The following CYSLTR2 variants were observed in gnomAD, a reference collection of about 807,000 sequenced individuals.
The protein encoded by CYSLTR2 is G-protein coupled receptor GPCR21.
For missense variants in CYSLTR2, 398 were observed against 411.9 expected, an observed-to-expected ratio of 0.97 and a Z score of 0.29; for synonymous variants, 179 against 160.8, an observed-to-expected ratio of 1.11 and a Z score of -0.86.
Position 48,707,566 on chromosome 13 carries a change from T to A in CYSLTR2, c.749T>A (p.Ile250Asn). 6.2e-7 allele frequency: 1 copy of A among 1,608,680 alleles called. No individual in the cohort carries two copies. Among genetic ancestry groups the A allele is most frequent in the Non-Finnish European group, 8.5e-7 (1 of 1,179,992 alleles). The change falls in exon 5 of 5, where the codon ATC (isoleucine) becomes AAC (asparagine). Residue 250 changes from isoleucine to asparagine, a missense_variant. Transcript: ENST00000682523. ...CACAGGAAGGCACTGACCACCATCA[T>A]CATCACCTTGATCATCTTCTTCTTG... Reference protein sequence around the residue: ...VSHRKALTTIIITLIIFFLCF... With the variant: ...VSHRKALTTINITLIIFFLCF...
intron 1 of CYSLTR2, among the ~76,000 whole-genome samples, chr13:48,668,896 G>A (rs976728762): frequency 5.9e-5 from 9 of 152,150 alleles, no homozygotes; most frequent in African/African-American, 2.2e-4. Flanking sequence ...TGCTGAGAAT[G>A]ATAGTTTCCA....
chr13:48,692,226 G>C (rs1034533272), intron 2 of CYSLTR2, among the ~76,000 whole-genome samples: 1 of 151,920 alleles, frequency 6.6e-6, no homozygotes, highest in Admixed American at 6.6e-5. Context: ...ATAGTCACTA[G>C]AAACAACATT....
intron 2 of CYSLTR2, among the ~76,000 whole-genome samples, 190 bp downstream of exon 2, chr13:48,691,491 G>C (rs995342858): frequency 6.6e-6 from 1 of 152,066 alleles, no homozygotes; most frequent in Non-Finnish European, 1.5e-5. Flanking sequence ...GTTTAGTGTA[G>C]ACCCCAGAAC....
At chr13:48,666,396 A>G (rs1953262691) in intron 1 of CYSLTR2, among the ~76,000 whole-genome samples, 1 of 152,014 alleles carries the variant, frequency 6.6e-6, no homozygotes, top group Non-Finnish European at 1.5e-5. Context: ...TTTGCATTGA[A>G]TCTATTTGGA....
intron 4 of CYSLTR2, among the ~76,000 whole-genome samples, chr13:48,698,099 A>G (rs1384413016): frequency 1.3e-5 from 2 of 152,220 alleles, no homozygotes; most frequent in Non-Finnish European, 2.9e-5. Flanking sequence ...AACACTCTTC[A>G]GGATATTATC....
chr13:48,708,075 C>G lies in CYSLTR2; in HGVS notation c.*217C>G, dbSNP rs200758759. The G allele has an allele frequency of 4.8e-6, 2 of 419,090 alleles. No individual in the cohort carries two copies. The highest frequency in any genetic ancestry group is 4.4e-6 in the Non-Finnish European group (1 of 229,570). The allele number at this position is 419,090 out of a possible 1,614,324, so 26.0% of individuals were successfully genotyped here. ...AGGGATACAGGAGGAAAAATCCCTA[C>G]TAGAGTCCTGTGGGCTGAAATATCA... On this transcript the variant is annotated 3_prime_UTR_variant, in exon 5 of 5. Coordinates refer to ENST00000682523, the MANE Select transcript of CYSLTR2 (RefSeq NM_001308476.3).
intron 1 of CYSLTR2, among the ~76,000 whole-genome samples, chr13:48,654,872 C>T (rs755790627): frequency 1.3e-5 from 2 of 152,132 alleles, no homozygotes; most frequent in African/African-American, 2.4e-5. Context: ...AATGGGTGGT[C>T]AGCATAAAAA....
chr13:48,655,948 T>A (rs1285311667), intron 1 of CYSLTR2, among the ~76,000 whole-genome samples: 1 of 152,206 alleles, frequency 6.6e-6, no homozygotes, highest in Admixed American at 6.5e-5. Flanking sequence ...AGTTAAATGA[T>A]GACATTGATG....
chr13:48,701,691 C>T (rs537375690), intron 4 of CYSLTR2, among the ~76,000 whole-genome samples: 1 of 152,182 alleles, frequency 6.6e-6, no homozygotes, highest in African/African-American at 2.4e-5. Context: ...CAGAGGAATG[C>T]AAATCAAAAC....
At chr13:48,705,333 A>G (rs891342280) in intron 4 of CYSLTR2, among the ~76,000 whole-genome samples, 3 of 152,186 alleles carry the variant, frequency 2.0e-5, no homozygotes, top group Admixed American at 6.5e-5. Context: ...TATAGGCGGT[A>G]CATAATTCGG....
Position 48,655,691 on chromosome 13 carries a change from A to G in CYSLTR2, c.-266+1674A>G, listed in dbSNP as rs530772583. On this transcript the variant is annotated intron_variant, in intron 1 of 4. Coordinates refer to ENST00000682523, the MANE Select transcript of CYSLTR2 (RefSeq NM_001308476.3). ...CATAGTACTTTACTATTTACAAAACATGTTTACAGGCATCAGTTCATTTGA... is the reference window on the plus strand; with the variant it reads ...CATAGTACTTTACTATTTACAAAACGTGTTTACAGGCATCAGTTCATTTGA... Among the ~76,000 whole-genome samples the G allele has an allele frequency of 6.6e-5, 10 of 152,364 alleles. No homozygotes were observed. The South Asian group carries it at 2.1e-3, about 32-fold the overall frequency.
intron 1 of CYSLTR2, among the ~76,000 whole-genome samples, chr13:48,670,594 G>A (rs535233103): frequency 6.6e-6 from 1 of 152,260 alleles, no homozygotes; most frequent in South Asian, 2.1e-4. Flanking sequence ...GAGCAGATGT[G>A]TGGTGTTATT....
chr13:48,656,057 G>A lies in CYSLTR2; in HGVS notation c.-266+2040G>A, dbSNP rs191608763. 3.3e-3 allele frequency among the ~76,000 whole-genome samples: 493 copies of A among 150,858 alleles called. 1 individual carries two copies. Among genetic ancestry groups the A allele is most frequent in the Non-Finnish European group, 5.2e-3 (354 of 67,974 alleles). On this transcript the variant is annotated intron_variant, in intron 1 of 4. Coordinates refer to ENST00000682523, the MANE Select transcript of CYSLTR2 (RefSeq NM_001308476.3). Reference sequence around the variant, plus strand: ...TGCTCATTTTTGTTCAAAAATATTTGTATATATTTCAAGAAAGATAAAAAA... The same window carrying A: ...TGCTCATTTTTGTTCAAAAATATTTATATATATTTCAAGAAAGATAAAAAA...
intron 1 of CYSLTR2, among the ~76,000 whole-genome samples, chr13:48,654,675 A>G (rs1181740600): frequency 2.0e-5 from 3 of 152,182 alleles, no homozygotes; most frequent in Non-Finnish European, 4.4e-5. Flanking sequence ...TGAGCATATA[A>G]TCTGTTCCTT....
intron 4 of CYSLTR2, among the ~76,000 whole-genome samples, chr13:48,701,080 G>T (rs2138984367): frequency 6.6e-6 from 1 of 152,268 alleles, no homozygotes; most frequent in East Asian, 1.9e-4. Flanking sequence ...ATAGATCAAT[G>T]CCATCCCCAT....
chr13:48,689,543 G>T (rs1011508273), intron 1 of CYSLTR2, among the ~76,000 whole-genome samples: 1 of 152,086 alleles, frequency 6.6e-6, no homozygotes, highest in African/African-American at 2.4e-5. Context: ...TTGTCAAGTT[G>T]TCAAAGATCA....
At chr13:48,679,859 C>A (rs761642087) in intron 1 of CYSLTR2, among the ~76,000 whole-genome samples, 1 of 152,028 alleles carries the variant, frequency 6.6e-6, no homozygotes. Flanking sequence ...AGTCAAGAAC[C>A]CCGATGCCAA....
chr13:48,670,291 A>G (rs1172779171), intron 1 of CYSLTR2, among the ~76,000 whole-genome samples: 3 of 152,026 alleles, frequency 2.0e-5, no homozygotes, highest in Non-Finnish European at 4.4e-5. Context: ...ATTAGATCCC[A>G]TTTGTCAATT....
intron 1 of CYSLTR2, among the ~76,000 whole-genome samples, chr13:48,669,170 T>C (rs1953350036): frequency 1.3e-5 from 2 of 152,172 alleles, no homozygotes; most frequent in African/African-American, 2.4e-5. Context: ...TTCTATATAC[T>C]TGAGGAATCG....
Sources: gnomAD v4.1 joint callset for allele counts (sites outside exome capture counted in the v4.1 genomes callset) on GRCh38, gnomAD v4.1.1 for gene constraint, MANE v1.5 for transcripts, NCBI Gene and HGNC (gene_info 2026-07-23, HGNC 2026-07-21) for gene names.